RALYL: variants seen among roughly 807,000 people sequenced by gnomAD.
The protein encoded by RALYL is RNA-binding Raly-like protein.
In RALYL, 29 loss-of-function variants were observed where a neutral mutation model predicts 35.1. The observed-to-expected ratio is 0.83, with a 90% CI of 0.61 to 1.13. RALYL has a LOEUF of 1.13. Ranked by LOEUF, RALYL falls within the 50% of genes most tolerant of loss-of-function variation. The probability of loss-of-function intolerance (pLI) is 0.00; values close to 1 mark genes in which losing one functional copy is unlikely to be tolerated. For synonymous variants in RALYL, 120 were observed against 127.6 expected (o/e 0.94, Z 0.40); for missense variants, 359 against 360.4 (o/e 1.00, Z 0.03).
At chr8:84,343,482 T>G (rs1431593478) in intron 1 of RALYL, among the ~76,000 whole-genome samples, 1 of 152,100 alleles carries the variant, frequency 6.6e-6, no homozygotes. Context: ...GTCTTATATT[T>G]TACAGTTGAA....
intron 1 of RALYL, among the ~76,000 whole-genome samples, chr8:84,419,108 T>C (rs766878974): frequency 6.6e-6 from 1 of 152,200 alleles, no homozygotes; most frequent in Non-Finnish European, 1.5e-5. Context: ...CAACTCAGTT[T>C]CCCTTGCCAC....
intron 1 of RALYL, among the ~76,000 whole-genome samples, chr8:84,339,307 C>T (rs1391516784): frequency 1.3e-5 from 2 of 152,016 alleles, no homozygotes; most frequent in African/African-American, 2.4e-5. Flanking sequence ...AACAGGCAAA[C>T]CAGTGAAGCT....
intron 8 of RALYL, among the ~76,000 whole-genome samples, chr8:84,918,388 G>T (rs1352730194): frequency 6.6e-6 from 1 of 151,930 alleles, no homozygotes; most frequent in African/African-American, 2.4e-5. Context: ...AGAAGTAATT[G>T]CTTGGTTCAA....
intron 4 of RALYL, among the ~76,000 whole-genome samples, chr8:84,817,842 A>T (rs1827716788): frequency 6.6e-6 from 1 of 152,286 alleles, no homozygotes; most frequent in South Asian, 2.1e-4. Flanking sequence ...AGCATGAGCC[A>T]TCATACTGGG....
chr8:84,318,505 T>C (rs1844185889), intron 1 of RALYL, among the ~76,000 whole-genome samples: 1 of 152,224 alleles, frequency 6.6e-6, no homozygotes, highest in South Asian at 2.1e-4. Context: ...TCTTTCAACC[T>C]TCACTGACTT....
chr8:84,664,837 C>T (rs941807608), intron 2 of RALYL, among the ~76,000 whole-genome samples: 2 of 152,058 alleles, frequency 1.3e-5, no homozygotes, highest in African/African-American at 4.8e-5. Flanking sequence ...CGCCTGATTC[C>T]CCTGGCCAGA....
At chr8:84,798,195 C>T (rs6986989) in intron 3 of RALYL, among the ~76,000 whole-genome samples, 109,432 of 151,506 alleles carry the variant, frequency 0.72, 39,981 homozygotes, top group East Asian at 0.87. Context: ...CTCACCTGAG[C>T]TTTGAGCCCA....
At chr8:84,553,984 T>G (rs983354228) in intron 2 of RALYL, among the ~76,000 whole-genome samples, 14 of 152,332 alleles carry the variant, frequency 9.2e-5, no homozygotes, top group African/African-American at 3.1e-4. Flanking sequence ...AAATGCTTTT[T>G]AAAATGCCTT....
chr8:84,747,260 TA>T lies in RALYL; in HGVS notation c.257-27309del, dbSNP rs541064163. ...GCAGCATCCAGCAGAATGTTTTATG[TA>T]AAAAAAAAATGGTGCTAATAAGTGT... is the stretch of plus-strand genomic sequence containing the variant. On this transcript the variant is annotated intron_variant, in intron 2 of 8. Coordinates refer to ENST00000521268, the MANE Select transcript of RALYL (RefSeq NM_173848.7). 5.5e-4 allele frequency among the ~76,000 whole-genome samples: 82 copies of T among 148,580 alleles called. 2 individuals carry two copies. Among genetic ancestry groups the T allele is most frequent in the African/African-American group, 1.4e-3 (58 of 40,748 alleles).
rs995345676 is a variant in RALYL at position 84,691,199 on chromosome 8, A to G, written c.257-83380A>G. ...TTGTATTGTTTGTCAGGATAACTTTATATGGGATCTAGAAATGATAAATGG... is the reference window on the plus strand; with the variant it reads ...TTGTATTGTTTGTCAGGATAACTTTGTATGGGATCTAGAAATGATAAATGG... On this transcript the variant is annotated intron_variant, in intron 2 of 8. Transcript: ENST00000521268. Among the ~76,000 whole-genome samples, 8 of 152,066 alleles carry G rather than the reference A, an allele frequency of 5.3e-5. No homozygotes were observed. The South Asian group carries it at 1.4e-3, about 28-fold the overall frequency.
At chr8:84,789,066 A>G (rs1172397118) in intron 3 of RALYL, among the ~76,000 whole-genome samples, 2 of 152,196 alleles carry the variant, frequency 1.3e-5, no homozygotes, top group Non-Finnish European at 2.9e-5. Context: ...GAGTAACGGA[A>G]TAAAGTCCAG....
intron 1 of RALYL, among the ~76,000 whole-genome samples, chr8:84,491,985 G>GA (rs566309365): frequency 7.3e-5 from 11 of 151,214 alleles, no homozygotes; most frequent in Non-Finnish European, 1.3e-4. Context: ...AGTTTTAAAA[G>GA]AAAAAAAATT....
chr8:84,197,706 G>A (rs1214845981), intron 1 of RALYL, among the ~76,000 whole-genome samples: 2 of 150,784 alleles, frequency 1.3e-5, no homozygotes, highest in Non-Finnish European at 2.9e-5. Flanking sequence ...GAGGCGGGAG[G>A]ATAGCTTGAG....
intron 2 of RALYL, among the ~76,000 whole-genome samples, chr8:84,734,047 T>C (rs1194985734): frequency 1.3e-5 from 2 of 152,214 alleles, no homozygotes; most frequent in Admixed American, 1.3e-4. Flanking sequence ...CTATGGCTGC[T>C]AATAAGGCTT....
intron 1 of RALYL, among the ~76,000 whole-genome samples, chr8:84,195,818 A>G (rs1358739515): frequency 4.6e-5 from 7 of 152,066 alleles, no homozygotes; most frequent in Non-Finnish European, 8.8e-5. Context: ...AATTGTCTGG[A>G]AAAAAAACTG....
intron 1 of RALYL, among the ~76,000 whole-genome samples, chr8:84,381,861 T>C (rs1223736692): frequency 3.3e-5 from 5 of 151,816 alleles, no homozygotes; most frequent in African/African-American, 9.7e-5. Flanking sequence ...GGTCACTGTT[T>C]CTGTGGCATT....
intron 1 of RALYL, among the ~76,000 whole-genome samples, chr8:84,209,125 C>CAAAAAAAAAAAAAAA (rs60246316): frequency 3.6e-4 from 35 of 97,502 alleles, no homozygotes; most frequent in Non-Finnish European, 4.9e-4. Context: ...ACTCCTCCAC[C>CAAAAAAAAAAAAAAA]AAAAAAAAAA....
Position 84,755,226 on chromosome 8 carries a change from A to C in RALYL, c.257-19353A>C, listed in dbSNP as rs569421733. ...GGTGTGGCCCATCAGATAAAGAAGC[A>C]GTCACATCTCCTAAAAACAGATGCT... On this transcript the variant is annotated intron_variant, in intron 2 of 8. Transcript: ENST00000521268. Among the ~76,000 whole-genome samples the C allele has an allele frequency of 5.2e-4, 79 of 152,334 alleles. 3 individuals carry two copies. The South Asian group carries it at 0.014, about 27-fold the overall frequency.
chr8:84,827,243 G>C (rs1829915876), intron 4 of RALYL, among the ~76,000 whole-genome samples: 1 of 152,124 alleles, frequency 6.6e-6, no homozygotes, highest in Non-Finnish European at 1.5e-5. Context: ...AGAAAACTTA[G>C]AGGACAACAT....
Sources: allele counts gnomAD v4.1 joint callset (sites outside exome capture counted in the v4.1 genomes callset), GRCh38; gene constraint gnomAD v4.1.1; transcripts MANE v1.5; gene names NCBI Gene and HGNC (gene_info 2026-07-23, HGNC 2026-07-21).